GRID2: variants seen among roughly 807,000 people sequenced by gnomAD.
The protein encoded by GRID2 is glutamate ionotropic receptor delta type subunit 2, also known as glutamate receptor ionotropic, delta-2.
In GRID2, 33 loss-of-function variants were observed where a neutral mutation model predicts 114.8. The ratio of observed to expected loss-of-function variants is 0.29; its 90% CI spans 0.22 to 0.38. The LOEUF is 0.38. Among genes scored for constraint, GRID2 ranks in the 10% least tolerant of loss-of-function variants. The pLI, the probability that GRID2 is intolerant of heterozygous loss-of-function variation, is 1.00. For synonymous variants in GRID2, 505 were observed against 449.9 expected (o/e 1.12, Z -1.55); for missense variants, 1,184 against 1,257.7 (o/e 0.94, Z 0.89).
intron 1 of GRID2, among the ~76,000 whole-genome samples, chr4:92,315,421 A>G (rs1725916614): frequency 6.6e-6 from 1 of 152,186 alleles, no homozygotes; most frequent in Non-Finnish European, 1.5e-5. Flanking sequence ...GAGCCTAGGA[A>G]CTTAATTGAT....
At chr4:92,866,365 C>G (rs1020379479) in intron 2 of GRID2, among the ~76,000 whole-genome samples, 1 of 152,204 alleles carries the variant, frequency 6.6e-6, no homozygotes, top group African/African-American at 2.4e-5. Flanking sequence ...GCTTACCTAA[C>G]AGCCTCTCCC....
intron 2 of GRID2, among the ~76,000 whole-genome samples, chr4:92,944,338 T>C (rs1751434676): frequency 6.6e-6 from 1 of 152,156 alleles, no homozygotes; most frequent in East Asian, 1.9e-4. Flanking sequence ...GTGCTAGCAA[T>C]GAGTGAGGCT....
At chr4:93,783,535 A>G (rs1347596194) in intron 1 of GRID2, among the ~76,000 whole-genome samples, 1 of 152,224 alleles carries the variant, frequency 6.6e-6, no homozygotes, top group Admixed American at 6.5e-5. Context: ...TAATACAGAA[A>G]CTACAAATGG....
intron 2 of GRID2, among the ~76,000 whole-genome samples, chr4:92,719,528 AT>A (rs1437671106): frequency 6.6e-6 from 1 of 152,222 alleles, no homozygotes; most frequent in African/African-American, 2.4e-5. Flanking sequence ...ACATTGCTTA[AT>A]AGCAACTATT....
chr4:93,126,649 G>A (rs1734294926), intron 4 of GRID2, among the ~76,000 whole-genome samples: 1 of 130,552 alleles, frequency 7.7e-6, no homozygotes, highest in African/African-American at 3.0e-5. Flanking sequence ...CCAGGCTGGA[G>A]TGCAGTGGCG....
chr4:93,186,502 A>C (rs868038256), intron 4 of GRID2, among the ~76,000 whole-genome samples: 2 of 152,196 alleles, frequency 1.3e-5, no homozygotes, highest in Non-Finnish European at 1.5e-5. Flanking sequence ...TCAGAAAAAA[A>C]GTGCCGTACA....
intron 13 of GRID2, among the ~76,000 whole-genome samples, chr4:93,541,870 C>A (rs1732688693): frequency 6.6e-6 from 1 of 152,040 alleles, no homozygotes; most frequent in South Asian, 2.1e-4. Flanking sequence ...AACTTGGGAA[C>A]CCTCATCATT....
chr4:93,500,729 T>G (rs1728012379), intron 12 of GRID2, among the ~76,000 whole-genome samples: 1 of 152,028 alleles, frequency 6.6e-6, no homozygotes, highest in South Asian at 2.1e-4. Context: ...TATCTCACCT[T>G]AGCTAGTGAC....
At chr4:92,751,978 C>T in intron 2 of GRID2, among the ~76,000 whole-genome samples, 1 of 152,070 alleles carries the variant, frequency 6.6e-6, no homozygotes, top group Non-Finnish European at 1.5e-5. Context: ...TGTCGGTGAC[C>T]TTGTAGTGAA....
chr4:93,382,206 G>C (rs1208061070), intron 8 of GRID2, among the ~76,000 whole-genome samples: 1 of 151,960 alleles, frequency 6.6e-6, no homozygotes, highest in Non-Finnish European at 1.5e-5. Flanking sequence ...CATTTCAAAG[G>C]TTGATAATGT....
intron 10 of GRID2, among the ~76,000 whole-genome samples, chr4:93,444,334 C>T (rs1200632546): frequency 6.6e-6 from 1 of 151,846 alleles, no homozygotes; most frequent in Non-Finnish European, 1.5e-5. Context: ...GACTTGGAGG[C>T]CTGCTAAAGA....
At chr4:93,259,935 G>T (rs1391854762) in intron 8 of GRID2, among the ~76,000 whole-genome samples, 2 of 151,658 alleles carry the variant, frequency 1.3e-5, no homozygotes, top group African/African-American at 2.4e-5. Context: ...AGAAGAGAGA[G>T]AATTTTTTAA....
At chr4:93,018,483 T>C (rs1254413420) in intron 2 of GRID2, among the ~76,000 whole-genome samples, 1 of 152,166 alleles carries the variant, frequency 6.6e-6, no homozygotes, top group Non-Finnish European at 1.5e-5. Flanking sequence ...TGAGTCGTTA[T>C]TCATCCATCA....
chr4:93,178,657 G>C (rs781639053), intron 4 of GRID2, among the ~76,000 whole-genome samples: 2 of 151,842 alleles, frequency 1.3e-5, no homozygotes, highest in Non-Finnish European at 2.9e-5. Flanking sequence ...CAAAGTGCTA[G>C]GATTACACTT....
intron 10 of GRID2, among the ~76,000 whole-genome samples, chr4:93,453,338 G>GAGAGAGAA (rs1722886576): frequency 1.3e-5 from 2 of 150,704 alleles, no homozygotes; most frequent in African/African-American, 4.9e-5. Flanking sequence ...GAGAGAGAGA[G>GAGAGAGAA]AGAGAGAGAG....
intron 9 of GRID2, among the ~76,000 whole-genome samples, chr4:93,400,352 T>C (rs1344467310): frequency 6.6e-6 from 1 of 152,110 alleles, no homozygotes; most frequent in Non-Finnish European, 1.5e-5. Context: ...AAAAGCAGTC[T>C]CTACTACTTG....
At chr4:92,365,789 C>T (rs1358609516) in intron 1 of GRID2, among the ~76,000 whole-genome samples, 1 of 151,552 alleles carries the variant, frequency 6.6e-6, no homozygotes, top group Non-Finnish European at 1.5e-5. Flanking sequence ...TAATATTAAC[C>T]AAAAATAAAT....
chr4:93,323,533 C>CT (rs1757480404), intron 8 of GRID2, among the ~76,000 whole-genome samples: 1 of 152,132 alleles, frequency 6.6e-6, no homozygotes. Context: ...TATGCAGGCC[C>CT]TTTTTTGATT....
intron 2 of GRID2, among the ~76,000 whole-genome samples, chr4:92,914,853 G>T (rs988899832): frequency 4.6e-5 from 7 of 151,988 alleles, no homozygotes; most frequent in Admixed American, 4.6e-4. Context: ...CTATGTCTTT[G>T]CTATTATAAG....
Sources: gnomAD v4.1 joint callset for allele counts (sites outside exome capture counted in the v4.1 genomes callset) on GRCh38, gnomAD v4.1.1 for gene constraint, MANE v1.5 for transcripts, NCBI Gene and HGNC (gene_info 2026-07-23, HGNC 2026-07-21) for gene names.